ZNRF1: variants seen among roughly 807,000 people sequenced by gnomAD.
The protein encoded by ZNRF1 is E3 ubiquitin-protein ligase ZNRF1.
ZNRF1 carries 3 observed loss-of-function variants against 18.4 expected under a neutral mutation model. The ratio of observed to expected loss-of-function variants is 0.16; its 90% CI spans 0.07 to 0.42. ZNRF1 has a LOEUF of 0.42. Ranked by LOEUF, ZNRF1 falls within the 10% of genes least tolerant of loss-of-function variation. The pLI is 0.99. For synonymous variants in ZNRF1, 157 were observed against 144.2 expected (o/e 1.09, Z -0.64); for missense variants, 310 against 329.8 (o/e 0.94, Z 0.47).
At chr16:75,021,923 C>T (rs1034827766) in intron 1 of ZNRF1, among the ~76,000 whole-genome samples, 20 of 152,104 alleles carry the variant, frequency 1.3e-4, no homozygotes, top group Non-Finnish European at 2.5e-4. Flanking sequence ...CTTTCCCATC[C>T]CTCCTTTTGA....
At chr16:75,079,220 G>A (rs1165240596) in intron 1 of ZNRF1, among the ~76,000 whole-genome samples, 2 of 152,220 alleles carry the variant, frequency 1.3e-5, no homozygotes, top group Non-Finnish European at 2.9e-5. Context: ...GGTGGCTCAT[G>A]CCTGTAATCC....
chr16:75,105,830 T>G (rs2036310733), intron 3 of ZNRF1: 1 of 152,308 alleles, frequency 6.6e-6, no homozygotes, highest in African/African-American at 2.4e-5. Flanking sequence ...GGGCAATCTC[T>G]GTTCCCTCTT....
intron 1 of ZNRF1, among the ~76,000 whole-genome samples, chr16:75,032,960 C>G (rs1377813123): frequency 1.3e-5 from 2 of 152,154 alleles, no homozygotes; most frequent in Non-Finnish European, 2.9e-5. Flanking sequence ...CTGTAGTGAG[C>G]TGTAAGCATG....
chr16:75,104,724 C>G, intron 2 of ZNRF1, 60 bp from the exon 3 acceptor site: 1 of 1,473,458 alleles, frequency 6.8e-7, no homozygotes, highest in Non-Finnish European at 9.3e-7. Context: ...CCTTGCTTGC[C>G]CCATGCCACC....
intron 1 of ZNRF1, among the ~76,000 whole-genome samples, chr16:75,077,322 C>T (rs1451336755): frequency 9.9e-5 from 15 of 152,148 alleles, no homozygotes; most frequent in Non-Finnish European, 5.9e-5. Context: ...CACCTGAGGT[C>T]GGGAGTTTGA....
At chr16:75,018,851 ACTGT>A (rs2035105836) in intron 1 of ZNRF1, among the ~76,000 whole-genome samples, 1 of 152,040 alleles carries the variant, frequency 6.6e-6, no homozygotes, top group African/African-American at 2.4e-5. Flanking sequence ...ATTTTGTTAT[ACTGT>A]CTTTTTCTTC....
chr16:75,025,290 G>A (rs190482820), intron 1 of ZNRF1, among the ~76,000 whole-genome samples: 2 of 152,092 alleles, frequency 1.3e-5, no homozygotes, highest in East Asian at 3.9e-4. Flanking sequence ...GGATAGTCTC[G>A]ATCTCCTGAC....
intron 1 of ZNRF1, among the ~76,000 whole-genome samples, chr16:75,009,025 T>A (rs1310785295): frequency 6.6e-6 from 1 of 152,202 alleles, no homozygotes; most frequent in Non-Finnish European, 1.5e-5. Flanking sequence ...TTCAGACTCT[T>A]CATGTGCATC....
intron 1 of ZNRF1, among the ~76,000 whole-genome samples, chr16:75,061,129 C>T (rs1189734512): frequency 1.3e-5 from 2 of 152,154 alleles, no homozygotes; most frequent in African/African-American, 2.4e-5. Context: ...GTATCCATCC[C>T]CTCAAGCATT....
intron 2 of ZNRF1, chr16:75,104,310 G>A (rs2036287890): frequency 1.9e-5 from 3 of 155,522 alleles, no homozygotes; most frequent in African/African-American, 7.2e-5. Flanking sequence ...TGTGAACAAT[G>A]CTGCTGTGAA....
At chr16:75,069,687 C>T (rs537309269) in intron 1 of ZNRF1, among the ~76,000 whole-genome samples, 11 of 152,214 alleles carry the variant, frequency 7.2e-5, no homozygotes, top group Non-Finnish European at 1.6e-4. Flanking sequence ...GCTGGGATTA[C>T]AGGCGTGAGC....
At chr16:75,068,448 T>C (rs1179664852) in intron 1 of ZNRF1, among the ~76,000 whole-genome samples, 2 of 152,140 alleles carry the variant, frequency 1.3e-5, no homozygotes, top group African/African-American at 2.4e-5. Context: ...TGTGCTGCTG[T>C]GGCCAATCCC....
intron 1 of ZNRF1, 62 bp from the exon 2 acceptor site, chr16:75,093,510 A>T: frequency 7.5e-7 from 1 of 1,334,144 alleles, no homozygotes; most frequent in Admixed American, 1.7e-5. Context: ...GAGAGTGTCC[A>T]CATGTACTGT....
intron 1 of ZNRF1, among the ~76,000 whole-genome samples, chr16:75,079,936 G>T (rs1346173181): frequency 6.6e-6 from 1 of 152,194 alleles, no homozygotes; most frequent in Non-Finnish European, 1.5e-5. Flanking sequence ...TGTTTTTTGA[G>T]ACGGAGTCTC....
intron 1 of ZNRF1, among the ~76,000 whole-genome samples, chr16:75,043,802 T>TTTTTTTTTTTC (rs1376448875): frequency 6.9e-6 from 1 of 144,194 alleles, no homozygotes. Context: ...TTTTTTTTTT[T>TTTTTTTTTTTC]TTTTGAGACA....
At chr16:75,029,642 G>T (rs2059217349) in intron 1 of ZNRF1, among the ~76,000 whole-genome samples, 1 of 150,476 alleles carries the variant, frequency 6.6e-6, no homozygotes. Context: ...GGTAGCATGT[G>T]CCTGTAGCCC....
chr16:75,028,864 C>T (rs1040010061), intron 1 of ZNRF1, among the ~76,000 whole-genome samples: 3 of 152,188 alleles, frequency 2.0e-5, no homozygotes, highest in Non-Finnish European at 2.9e-5. Context: ...TTCTAGAATA[C>T]GATGCTCACT....
intron 1 of ZNRF1, among the ~76,000 whole-genome samples, chr16:75,035,904 C>T (rs576960578): frequency 6.6e-6 from 1 of 152,296 alleles, no homozygotes; most frequent in South Asian, 2.1e-4. Flanking sequence ...AGTGCTCATG[C>T]CTGAGCCCAC....
chr16:75,052,472 C>T (rs1263810185), intron 1 of ZNRF1, among the ~76,000 whole-genome samples: 1 of 151,654 alleles, frequency 6.6e-6, no homozygotes, highest in African/African-American at 2.4e-5. Context: ...AGTCAGTAGA[C>T]TCATAGTTGG....
Sources: gnomAD v4.1 joint callset for allele counts (sites outside exome capture counted in the v4.1 genomes callset) on GRCh38, gnomAD v4.1.1 for gene constraint, MANE v1.5 for transcripts, NCBI Gene and HGNC (gene_info 2026-07-23, HGNC 2026-07-21) for gene names.